AQR: variants seen among roughly 807,000 people sequenced by gnomAD.
The protein encoded by AQR is aquarius intron-binding spliceosomal factor.
A neutral mutation model predicts 180.5 loss-of-function variants in AQR; 61 were observed. The ratio of observed to expected loss-of-function variants is 0.34; its 90% CI spans 0.28 to 0.42. The LOEUF (loss-of-function observed/expected upper bound fraction) is 0.42, where lower values mean the gene tolerates loss of function less well. AQR is among the 10% of genes least tolerant of loss of function. AQR has a pLI of 1.00. For missense variants in AQR, 1,281 were observed against 1,798.3 expected (o/e 0.71, Z 5.20); for synonymous variants, 551 against 588.8 (o/e 0.94, Z 0.93).
chr15:34,925,928 A>C (rs1310790469), intron 13 of AQR, among the ~76,000 whole-genome samples: 1 of 152,122 alleles, frequency 6.6e-6, no homozygotes, highest in East Asian at 1.9e-4. Context: ...CGGCACTTTG[A>C]GAGGCTGAGG....
At chr15:34,913,776 G>A (rs1893535190) in intron 16 of AQR, among the ~76,000 whole-genome samples, 2 of 152,176 alleles carry the variant, frequency 1.3e-5, no homozygotes, top group African/African-American at 4.8e-5. Flanking sequence ...TTCTGATCAA[G>A]CACTCCCCTA....
Position 34,920,400 on chromosome 15 carries a change from A to C in AQR, c.1153T>G (p.Cys385Gly). 2 of 1,613,818 alleles carry C rather than the reference A, an allele frequency of 1.2e-6. No homozygotes were observed. Among genetic ancestry groups the C allele is most frequent in the Middle Eastern group, 1.7e-4 (1 of 6,060 alleles). Residue 385 changes from cysteine (C) to glycine (G), a missense_variant, in exon 14 of 35, where the codon TGC becomes GGC. Cys to Gly is a radical substitution (Grantham distance 159, BLOSUM62 -3). Coordinates refer to ENST00000156471, the MANE Select transcript of AQR (RefSeq NM_014691.3). ...TTTTTAGGAAGAGTTGGCAACAAGC[A>C]GAGGTATGATGCCACCTGGTGGAGT... ...NTLHQVASYL[C>G]LLPTLPKNED...
chr15:34,925,572 G>T (rs1468477522), intron 13 of AQR, among the ~76,000 whole-genome samples: 1 of 152,204 alleles, frequency 6.6e-6, no homozygotes, highest in Non-Finnish European at 1.5e-5. Flanking sequence ...CAGGAGCGGT[G>T]GCTCATGCCT....
chr15:34,968,310 T>C (rs1458783119), intron 1 of AQR, among the ~76,000 whole-genome samples: 1 of 151,334 alleles, frequency 6.6e-6, no homozygotes, highest in African/African-American at 2.4e-5. Context: ...TGGAGTGCAG[T>C]GGCGCGATCT....
chr15:34,944,097 C>CT (rs1472884784), intron 6 of AQR, among the ~76,000 whole-genome samples, 191 bp downstream of exon 6: 1 of 152,100 alleles, frequency 6.6e-6, no homozygotes, highest in Non-Finnish European at 1.5e-5. Flanking sequence ...GTGAACATAT[C>CT]TTATAAAAAC....
At chr15:34,953,421 T>A (rs144357676) in intron 3 of AQR, among the ~76,000 whole-genome samples, 36 of 152,330 alleles carry the variant, frequency 2.4e-4, no homozygotes, top group African/African-American at 7.5e-4. Context: ...TGGAAATAGA[T>A]CAGAACACTG....
intron 4 of AQR, among the ~76,000 whole-genome samples, chr15:34,950,698 G>A (rs1243757177): frequency 2.6e-5 from 4 of 151,870 alleles, no homozygotes; most frequent in Admixed American, 6.6e-5. Flanking sequence ...GGGCAGGGGG[G>A]AAATATTTGT....
At chr15:34,862,399 T>C (rs924567160) in intron 33 of AQR, among the ~76,000 whole-genome samples, 2 of 152,148 alleles carry the variant, frequency 1.3e-5, no homozygotes, top group Non-Finnish European at 2.9e-5. Context: ...ACTTAGCTTC[T>C]CTGACCCTAA....
intron 8 of AQR, among the ~76,000 whole-genome samples, chr15:34,939,131 C>T (rs1261844860): frequency 2.6e-5 from 4 of 152,132 alleles, no homozygotes; most frequent in Admixed American, 6.5e-5. Context: ...TGCAGTGGCG[C>T]GATTTCAGCT....
At chr15:34,884,300 G>A (rs556107264) in intron 26 of AQR, among the ~76,000 whole-genome samples, 2 of 151,982 alleles carry the variant, frequency 1.3e-5, no homozygotes, top group Admixed American at 6.5e-5. Flanking sequence ...CCAGCTGCTC[G>A]GAAGCTGAGG....
At chr15:34,873,519 C>T (rs1181413769) in intron 30 of AQR, among the ~76,000 whole-genome samples, 1 of 152,024 alleles carries the variant, frequency 6.6e-6, no homozygotes, top group Non-Finnish European at 1.5e-5. Flanking sequence ...ATTTTAAATA[C>T]TGAAAATAAA....
chr15:34,874,801 G>T lies in AQR; in HGVS notation c.3301C>A (p.Pro1101Thr). 1 of 1,613,848 alleles carries T rather than the reference G, an allele frequency of 6.2e-7. No individual in the cohort carries two copies. Among genetic ancestry groups the T allele is most frequent in the Non-Finnish European group, 8.5e-7 (1 of 1,179,830 alleles). Reference sequence around the variant, plus strand: ...AAGGCCATGTTCTTAATAACTGGAGGTAACTGGTGATGATCGCCAATCATA... The same window carrying T: ...AAGGCCATGTTCTTAATAACTGGAGTTAACTGGTGATGATCGCCAATCATA... ...WIMIGDHHQLPPVIKNMAFQK... is the reference protein window; with the variant it reads ...WIMIGDHHQLTPVIKNMAFQK... Residue 1101 changes from proline to threonine, a missense_variant, in exon 29 of 35, where the codon CCT becomes ACT. Transcript: ENST00000156471.
intron 18 of AQR, 65 bp downstream of exon 18, chr15:34,906,480 G>C (rs1196312174): frequency 6.4e-7 from 1 of 1,554,296 alleles, no homozygotes; most frequent in South Asian, 1.2e-5. Flanking sequence ...GAAGCAAAAA[G>C]GGAAAAAGGC....
intron 2 of AQR, among the ~76,000 whole-genome samples, chr15:34,963,789 G>A (rs1433620708): frequency 2.0e-5 from 3 of 150,600 alleles, no homozygotes; most frequent in East Asian, 1.9e-4. Flanking sequence ...TCAGCCTCCC[G>A]AGTAGCTGGG....
At chr15:34,888,082 G>A (rs746593841) in intron 24 of AQR, among the ~76,000 whole-genome samples, 1 of 151,258 alleles carries the variant, frequency 6.6e-6, no homozygotes, top group Non-Finnish European at 1.5e-5. Context: ...CAGATCACTT[G>A]AGGTCAGGAG....
At chr15:34,869,642 A>C (rs529885389) in intron 31 of AQR, 1 of 152,296 alleles carries the variant, frequency 6.6e-6, no homozygotes, top group South Asian at 2.1e-4. Flanking sequence ...TTCTATTTCT[A>C]AACTTGCAAA....
intron 18 of AQR, among the ~76,000 whole-genome samples, chr15:34,904,861 A>T (rs569751409): frequency 6.6e-6 from 1 of 152,136 alleles, no homozygotes; most frequent in South Asian, 2.1e-4. Flanking sequence ...CCTTACATAT[A>T]GTAAGTATTC....
chr15:34,859,994 A>G, intron 34 of AQR, 48 bp downstream of exon 34: 7 of 1,035,534 alleles, frequency 6.8e-6, no homozygotes, highest in Non-Finnish European at 9.2e-6. Flanking sequence ...AAAAAAAGAA[A>G]ATTATTTCTA....
intron 19 of AQR, among the ~76,000 whole-genome samples, chr15:34,903,155 A>G (rs1318179444): frequency 6.6e-6 from 1 of 152,156 alleles, no homozygotes; most frequent in Non-Finnish European, 1.5e-5. Context: ...TAAAAGGAAC[A>G]CCATGTGAAA....
Sources: gnomAD v4.1 joint callset for allele counts (sites outside exome capture counted in the v4.1 genomes callset) on GRCh38, gnomAD v4.1.1 for gene constraint, MANE v1.5 for transcripts, NCBI Gene and HGNC (gene_info 2026-07-23, HGNC 2026-07-21) for gene names.